Variants in TRMT11 observed in about 807,000 individuals in gnomAD.
TRMT11 encodes tRNA methyltransferase 11, also known as tRNA (guanine(10)-N(2))-methyltransferase TRMT11.
Under a neutral mutation model 62.8 loss-of-function variants are expected in TRMT11, and 53 were observed. That is an observed-to-expected ratio of 0.84 (90% CI 0.68 to 1.06). TRMT11 has a LOEUF of 1.06. Ranked by LOEUF, TRMT11 falls within the 50% of genes least tolerant of loss-of-function variation. TRMT11 has a pLI of 0.00. For missense variants in TRMT11, 556 were observed against 553.4 expected (o/e 1.00, Z -0.05); for synonymous variants, 188 against 190.3 (o/e 0.99, Z 0.10).
chr6:126,118,229 A>T (rs1412215165), intron 21 of TRMT11, among the ~76,000 whole-genome samples: 2 of 152,094 alleles, frequency 1.3e-5, no homozygotes, highest in Non-Finnish European at 2.9e-5. Context: ...GCTACTGTGG[A>T]GATAGTGCCC....
chr6:126,158,399 G>C (rs111655832), intron 21 of TRMT11, among the ~76,000 whole-genome samples: 1,747 of 152,298 alleles, frequency 0.011, 15 homozygotes, highest in Non-Finnish European at 0.018. Context: ...GCTGGATCCA[G>C]ACACTGGATC....
Position 125,998,070 on chromosome 6 carries a change from G to C in TRMT11, c.230G>C (p.Trp77Ser). ...TTTCCTAGGTCTATATTTGAACTAT[G>C]GGGTCATGGACAATCTCCTGAGGAG... Reference protein sequence around the residue: ...TVCAKSIFELWGHGQSPEELY... With the variant: ...TVCAKSIFELSGHGQSPEELY... Residue 77 changes from tryptophan to serine, a missense_variant, in exon 4 of 13, where the codon TGG becomes TCG. Trp to Ser is a radical substitution (Grantham distance 177). Coordinates refer to ENST00000334379, the MANE Select transcript of TRMT11 (RefSeq NM_001031712.3). 2 of 1,612,160 alleles carry C rather than the reference G, an allele frequency of 1.2e-6. No homozygotes were observed. The highest frequency in any genetic ancestry group is 1.1e-5 in the South Asian group (1 of 91,038).
At chr6:126,173,182 C>T (rs938577737), upstream of TRMT11, among the ~76,000 whole-genome samples, 7 of 152,174 alleles carry the variant, frequency 4.6e-5, no homozygotes, top group African/African-American at 1.7e-4. Context: ...AAAAAGTTCT[C>T]TTGCCCTTGC....
In TRMT11 at chr6:126,012,805, A is replaced by G. The variant is rs1172550786; in HGVS notation, c.960A>G (p.Thr320=). 1.9e-6 allele frequency: 3 copies of G among 1,613,790 alleles called. No individual in the cohort carries two copies. Among genetic ancestry groups the G allele is most frequent in the Non-Finnish European group, 2.5e-6 (3 of 1,179,708 alleles). ...GTATCAGAGAATCTACAAGAAGAAC[A>G]GGTTCACAGAAGGAGATACCAAAGG... ...PYGIRESTRR[T]GSQKEIPKGI... is the part of the protein sequence containing the mutation. Residue 320 remains threonine (T), a synonymous_variant, in exon 10 of 13, where the codon ACA becomes ACG. Coordinates refer to ENST00000334379, the MANE Select transcript of TRMT11 (RefSeq NM_001031712.3).
At chr6:126,263,133 G>T in the TRMT11 span, among the ~76,000 whole-genome samples, 24 of 151,838 alleles carry the variant, frequency 1.6e-4, no homozygotes, top group African/African-American at 5.8e-4. Context: ...AAAGAATTAT[G>T]TTCAGCTCAG....
chr6:126,069,478 T>C (rs1776785727), intron 17 of TRMT11, among the ~76,000 whole-genome samples: 1 of 152,206 alleles, frequency 6.6e-6, no homozygotes, highest in Non-Finnish European at 1.5e-5. Context: ...TCTTTTTCTT[T>C]ATATTATTAT....
At chr6:126,252,328 G>C in the TRMT11 span, among the ~76,000 whole-genome samples, 1 of 152,196 alleles carries the variant, frequency 6.6e-6, no homozygotes, top group African/African-American at 2.4e-5. Flanking sequence ...TGGCCAACAA[G>C]AGTGCCTACA....
chr6:126,244,807 T>A, the TRMT11 span, among the ~76,000 whole-genome samples: 3 of 152,208 alleles, frequency 2.0e-5, no homozygotes, highest in Non-Finnish European at 4.4e-5. Flanking sequence ...TATCCTTGAC[T>A]AGTGGTTAAA....
At chr6:126,194,737 A>G (rs1167361171) in intron 1 of TRMT11, among the ~76,000 whole-genome samples, 1 of 152,236 alleles carries the variant, frequency 6.6e-6, no homozygotes, top group Non-Finnish European at 1.5e-5. Flanking sequence ...TATACTTCAT[A>G]CCAAGTCTTC....
intron 21 of TRMT11, among the ~76,000 whole-genome samples, chr6:126,128,678 G>A (rs1433445993): frequency 6.6e-6 from 1 of 152,094 alleles, no homozygotes; most frequent in Non-Finnish European, 1.5e-5. Flanking sequence ...CTCAATAGAC[G>A]TTTGTGGTTT....
intron 11 of TRMT11, among the ~76,000 whole-genome samples, chr6:126,019,942 A>G (rs910379154): frequency 2.6e-5 from 4 of 152,246 alleles, no homozygotes; most frequent in African/African-American, 9.6e-5. Context: ...AGAAAGCTCT[A>G]GGAAGAAGTC....
At chr6:126,161,972 A>C (rs993093758) in intron 21 of TRMT11, among the ~76,000 whole-genome samples, 4 of 152,100 alleles carry the variant, frequency 2.6e-5, no homozygotes, top group African/African-American at 9.7e-5. Flanking sequence ...CCTTTCTCAG[A>C]TGGATAGATT....
Position 126,012,831 on chromosome 6 carries a change from G to C in TRMT11, c.986G>C (p.Gly329Ala). The change falls in exon 10 of 13, where the codon GGG (glycine) becomes GCG (alanine). Residue 329 changes from glycine to alanine, a missense_variant. Transcript: ENST00000334379. ...RTGSQKEIPK[G>A]IEKWEKCPES... ...GGTTCACAGAAGGAGATACCAAAGG[G>C]GATAGAAAAATGGGAAAAATGGTAA... is the stretch of plus-strand genomic sequence containing the variant. 1 of 1,613,646 alleles carries C rather than the reference G, an allele frequency of 6.2e-7. No homozygotes were observed. The highest frequency in any genetic ancestry group is 8.5e-7 in the Non-Finnish European group (1 of 1,179,652).
intron 21 of TRMT11, among the ~76,000 whole-genome samples, chr6:126,161,534 A>G (rs1419477971): frequency 1.3e-5 from 2 of 152,216 alleles, no homozygotes; most frequent in Admixed American, 1.3e-4. Flanking sequence ...TAGTGCTGCA[A>G]TAAACATATG....
At chr6:126,260,706 T>C in the TRMT11 span, among the ~76,000 whole-genome samples, 2 of 152,202 alleles carry the variant, frequency 1.3e-5, no homozygotes, top group African/African-American at 4.8e-5. Context: ...ATAGTATTCT[T>C]GACTGAAAGA....
At position 126,012,661 on chromosome 6, in the gene TRMT11, G is replaced by C. The variant is rs1583707634; in HGVS notation, c.926-110G>C. The C allele has an allele frequency of 1.4e-5, 10 of 697,228 alleles. No individual in the cohort carries two copies. The East Asian group carries it at 2.5e-4, about 18-fold the overall frequency. 43.2% of individuals were successfully genotyped at this position (697,228 alleles called of 1,614,324 possible). A position where few individuals can be genotyped will look rare whatever the true frequency, so the allele number is the denominator to read the frequency against. On this transcript the variant is annotated intron_variant, in intron 9 of 12. Transcript: ENST00000334379. Reference sequence around the variant, plus strand: ...TTTTCAGTTGGATTTGTGCATTGGTGATGTTGTGTTCTTCTCAGGGTGTCA... The same window carrying C: ...TTTTCAGTTGGATTTGTGCATTGGTCATGTTGTGTTCTTCTCAGGGTGTCA...
rs138353816 is a variant in TRMT11 at position 125,986,561 on chromosome 6, C to G, written c.11C>G (p.Ser4Trp). 5 of 1,590,726 alleles carry G rather than the reference C, an allele frequency of 3.1e-6. No individual in the cohort carries two copies. In the South Asian group the frequency reaches 3.4e-5, roughly 11 times the overall value. ...CGGTGGGCAGCTGCAATGGCGCTGT[C>G]GTGTACCCTTAACAGGTATCTGCTC... MAL[S>W]CTLNRYLLLM... The change falls in exon 1 of 13, where the codon TCG becomes TGG. Residue 4 changes from serine to tryptophan, a missense_variant. Physicochemically the swap from Ser to Trp is radical, Grantham distance 177. Coordinates refer to ENST00000334379, the MANE Select transcript of TRMT11 (RefSeq NM_001031712.3).
At chr6:126,096,686 C>T (rs552976278) in intron 17 of TRMT11, among the ~76,000 whole-genome samples, 51 of 152,150 alleles carry the variant, frequency 3.4e-4, no homozygotes, top group Admixed American at 3.9e-4. Flanking sequence ...TTGTATCCCC[C>T]GTAGTCCCTA....
the TRMT11 span, among the ~76,000 whole-genome samples, chr6:126,251,969 T>G: frequency 6.6e-6 from 1 of 152,190 alleles, no homozygotes; most frequent in Non-Finnish European, 1.5e-5. Flanking sequence ...TCTGGCCACA[T>G]TAGGCTTTCG....
Sources: allele counts gnomAD v4.1 joint callset (sites outside exome capture counted in the v4.1 genomes callset), GRCh38; gene constraint gnomAD v4.1.1; transcripts MANE v1.5; gene names NCBI Gene and HGNC (gene_info 2026-07-23, HGNC 2026-07-21).